Variants in EYA2 observed in about 807,000 individuals in gnomAD.
EYA2 encodes EYA transcriptional coactivator and phosphatase 2.
Under a neutral mutation model 69.2 loss-of-function variants are expected in EYA2, and 31 were observed. The observed-to-expected ratio is 0.45, with a 90% confidence interval of 0.34 to 0.60. EYA2 has a LOEUF of 0.60. Among genes scored for constraint, EYA2 ranks in the 20% least tolerant of loss-of-function variants. EYA2 has a pLI of 0.02. For missense variants in EYA2, 622 were observed against 701.2 expected, an observed-to-expected ratio of 0.89 and a Z score of 1.28; for synonymous variants, 257 against 279.4, an observed-to-expected ratio of 0.92 and a Z score of 0.80.
intron 8 of EYA2, among the ~76,000 whole-genome samples, chr20:47,093,090 C>T (rs563829150): frequency 2.6e-5 from 4 of 152,326 alleles, no homozygotes; most frequent in African/African-American, 4.8e-5. Context: ...GCATGTATGC[C>T]TTCTCTTCCC....
chr20:47,039,545 G>A (rs556827649), intron 5 of EYA2, among the ~76,000 whole-genome samples: 4 of 152,256 alleles, frequency 2.6e-5, no homozygotes, highest in Admixed American at 1.3e-4. Context: ...AAAGAAATGC[G>A]TTTTATATTT....
chr20:47,178,155 C>T lies in EYA2; in HGVS notation c.1199-1643C>T, dbSNP rs369179277. 4.1e-4 allele frequency among the ~76,000 whole-genome samples: 62 copies of T among 152,164 alleles called. No individual in the cohort carries two copies. In the South Asian group the frequency reaches 6.0e-3, roughly 15 times the overall value. On this transcript the variant is annotated intron_variant, in intron 12 of 15. Coordinates refer to ENST00000327619, the MANE Select transcript of EYA2 (RefSeq NM_005244.5). ...CCAGTTTGGGCAACATAGCAAGACC[C>T]CACCTCTATGAAAAATACAAAATTT...
chr20:47,016,404 C>T (rs1201244483), intron 5 of EYA2, 107 bp downstream of exon 5: 1 of 819,776 alleles, frequency 1.2e-6, no homozygotes, highest in Non-Finnish European at 2.1e-6. Context: ...TACTATGTGC[C>T]AGGCTCTATC....
intron 1 of EYA2, among the ~76,000 whole-genome samples, chr20:46,907,760 G>A (rs1312367279): frequency 1.3e-5 from 2 of 152,086 alleles, no homozygotes; most frequent in African/African-American, 4.8e-5. Flanking sequence ...AGTTGCTTGA[G>A]CCCAGGAGGT....
chr20:46,942,906 C>T (rs2146264692), intron 1 of EYA2, among the ~76,000 whole-genome samples: 2 of 152,360 alleles, frequency 1.3e-5, no homozygotes, highest in Admixed American at 6.5e-5. Context: ...GCTAGGATTA[C>T]AGACACGTGC....
At chr20:47,001,548 A>G in intron 3 of EYA2, 75 bp downstream of exon 3, 1 of 1,457,454 alleles carries the variant, frequency 6.9e-7, no homozygotes, top group Non-Finnish European at 9.6e-7. Context: ...GTTAAGAGAG[A>G]GGGCCCTGGA....
chr20:46,921,530 C>A (rs1985178669), intron 1 of EYA2, among the ~76,000 whole-genome samples: 1 of 152,218 alleles, frequency 6.6e-6, no homozygotes, highest in Non-Finnish European at 1.5e-5. Context: ...TCCCCATGGG[C>A]AGTCACAACA....
intron 1 of EYA2, among the ~76,000 whole-genome samples, chr20:46,907,448 A>G (rs1285936474): frequency 6.6e-6 from 1 of 152,240 alleles, no homozygotes; most frequent in African/African-American, 2.4e-5. Context: ...CCATGGCCAC[A>G]TGGCCAGTCT....
intron 1 of EYA2, among the ~76,000 whole-genome samples, chr20:46,906,582 C>T (rs1431615187): frequency 6.6e-6 from 1 of 152,082 alleles, no homozygotes; most frequent in South Asian, 2.1e-4. Context: ...AACTTTATGC[C>T]GGGATATGTT....
At chr20:47,102,216 A>T (rs1283656840) in intron 9 of EYA2, among the ~76,000 whole-genome samples, 2 of 152,218 alleles carry the variant, frequency 1.3e-5, no homozygotes, top group Non-Finnish European at 2.9e-5. Context: ...CTAGGCGTTA[A>T]TGCCAATGTC....
At position 47,001,486 on chromosome 20, in the gene EYA2, C is replaced by G. The variant is rs751822396; in HGVS notation, c.155+13C>G. 6.2e-7 allele frequency: 1 copy of G among 1,613,818 alleles called. No homozygotes were observed. The highest frequency in any genetic ancestry group is 8.5e-7 in the Non-Finnish European group (1 of 1,179,680). On this transcript the variant is annotated intron_variant, in intron 3 of 15. Transcript: ENST00000327619. The stretch of plus-strand genomic sequence containing the variant: ...AGCTCTTCTCCAGGTGAGTGCCATT[C>G]ACTTGTCTCCTGCTCACATGCCCAC...
chr20:47,076,061 A>G (rs1290385914), intron 7 of EYA2, among the ~76,000 whole-genome samples: 1 of 152,256 alleles, frequency 6.6e-6, no homozygotes, highest in African/African-American at 2.4e-5. Context: ...GTAGTATTCC[A>G]TGGTGTATAT....
chr20:47,053,849 C>A (rs1041916175), intron 5 of EYA2, among the ~76,000 whole-genome samples: 17 of 151,570 alleles, frequency 1.1e-4, no homozygotes, highest in Non-Finnish European at 2.1e-4. Flanking sequence ...AAAGGAGGGG[C>A]TCAGGGTTGT....
chr20:47,029,727 C>T (rs1984296166), intron 5 of EYA2, among the ~76,000 whole-genome samples: 1 of 152,210 alleles, frequency 6.6e-6, no homozygotes, highest in South Asian at 2.1e-4. Flanking sequence ...AACACTTCTT[C>T]CAAGTTTCAT....
intron 1 of EYA2, among the ~76,000 whole-genome samples, chr20:46,934,297 C>T (rs1199253950): frequency 2.0e-5 from 3 of 152,152 alleles, no homozygotes; most frequent in Non-Finnish European, 4.4e-5. Context: ...CACCCCGTCC[C>T]CACTCACCCA....
intron 8 of EYA2, 104 bp from the exon 9 acceptor site, chr20:47,096,981 T>G: frequency 1.2e-6 from 1 of 833,922 alleles, no homozygotes; most frequent in Non-Finnish European, 2.0e-6. Context: ...AAAGATAATG[T>G]TTTTCGAGAC....
At chr20:47,088,190 C>T (rs1238585344) in intron 7 of EYA2, among the ~76,000 whole-genome samples, 2 of 152,170 alleles carry the variant, frequency 1.3e-5, no homozygotes, top group Admixed American at 1.3e-4. Context: ...GCCGGGATCA[C>T]GCCATTGCAC....
At chr20:47,027,816 G>A (rs1357594408) in intron 5 of EYA2, among the ~76,000 whole-genome samples, 3 of 152,204 alleles carry the variant, frequency 2.0e-5, no homozygotes, top group African/African-American at 7.2e-5. Context: ...TGTGGTTAGT[G>A]CAACTGAGGA....
chr20:46,972,758 A>G (rs1202123186), intron 1 of EYA2, among the ~76,000 whole-genome samples: 1 of 152,056 alleles, frequency 6.6e-6, no homozygotes, highest in Non-Finnish European at 1.5e-5. Flanking sequence ...TGGGCACCTG[A>G]GGTAGCTGCT....
Sources: gnomAD v4.1 joint callset for allele counts (sites outside exome capture counted in the v4.1 genomes callset) on GRCh38, gnomAD v4.1.1 for gene constraint, MANE v1.5 for transcripts, NCBI Gene and HGNC (gene_info 2026-07-23, HGNC 2026-07-21) for gene names.